SLC39A11: variants seen among roughly 807,000 people sequenced by gnomAD.
SLC39A11 encodes the protein zinc transporter ZIP11.
In SLC39A11, 33 loss-of-function variants were observed where a neutral mutation model predicts 36.1. That is an observed-to-expected ratio of 0.91 (90% confidence interval 0.69 to 1.22). The LOEUF is 1.22. SLC39A11 is among the 50% of genes most tolerant of loss of function. SLC39A11 has a pLI of 0.00. For missense variants in SLC39A11, 432 were observed against 430.3 expected (o/e 1.00, Z -0.03); for synonymous variants, 166 against 170.3 (o/e 0.97, Z 0.20).
rs562338880 is a variant in SLC39A11, at chr17:72,873,010, C to T, written c.431-23206G>A. Among the ~76,000 whole-genome samples the T allele has an allele frequency of 5.4e-4, 80 of 148,238 alleles. No individual in the cohort carries two copies. In the South Asian group the frequency reaches 0.012, roughly 23 times the overall value. ...CGGAGCTTGCAGTGAGCCGAGATCG[C>T]GCCACTGCACTCTAGCCTGGGCGAC... On this transcript the variant is annotated intron_variant, in intron 5 of 9. Coordinates refer to ENST00000255559, the MANE Select transcript of SLC39A11 (RefSeq NM_139177.4).
chr17:72,701,742 A>AAG (rs1228589369), intron 7 of SLC39A11, among the ~76,000 whole-genome samples: 128 of 150,710 alleles, frequency 8.5e-4, no homozygotes, highest in Non-Finnish European at 1.6e-3. Flanking sequence ...AAAAAAAAAA[A>AAG]AAAAGAAAAA....
chr17:72,748,608 A>C (rs928184702), intron 6 of SLC39A11, among the ~76,000 whole-genome samples: 1 of 152,206 alleles, frequency 6.6e-6, no homozygotes, highest in African/African-American at 2.4e-5. Context: ...GTATGACTGA[A>C]GACAGCCACA....
intron 7 of SLC39A11, among the ~76,000 whole-genome samples, chr17:72,679,471 C>A (rs1263169892): frequency 6.6e-6 from 1 of 152,178 alleles, no homozygotes; most frequent in Non-Finnish European, 1.5e-5. Flanking sequence ...TGCGCAGACA[C>A]AGAGAAAGGC....
chr17:72,893,488 G>A (rs887763265), intron 5 of SLC39A11, among the ~76,000 whole-genome samples: 3 of 152,060 alleles, frequency 2.0e-5, no homozygotes, highest in Admixed American at 1.3e-4. Context: ...TATAGATACG[G>A]ACCACAGAAG....
intron 3 of SLC39A11, among the ~76,000 whole-genome samples, chr17:73,033,871 C>T (rs2058819356): frequency 6.6e-6 from 1 of 152,178 alleles, no homozygotes; most frequent in African/African-American, 2.4e-5. Flanking sequence ...CATAAATTCC[C>T]TTCTTCCAGC....
intron 4 of SLC39A11, among the ~76,000 whole-genome samples, chr17:72,963,484 T>C (rs758865221): frequency 5.3e-5 from 8 of 151,882 alleles, no homozygotes; most frequent in Admixed American, 1.3e-4. Context: ...TGGGGTATAA[T>C]TCTTAAGGGC....
chr17:72,805,157 G>A (rs576219953), intron 6 of SLC39A11, among the ~76,000 whole-genome samples: 4 of 152,200 alleles, frequency 2.6e-5, no homozygotes, highest in South Asian at 2.1e-4. Context: ...AAATATTTTG[G>A]TACTATTTAA....
chr17:72,657,332 G>A lies in SLC39A11; in HGVS notation c.672-8064C>T, dbSNP rs572517544. Among the ~76,000 whole-genome samples, 19 of 152,192 alleles carry A rather than the reference G, an allele frequency of 1.2e-4. 1 individual carries two copies. In the South Asian group the frequency reaches 3.9e-3, roughly 32 times the overall value. On this transcript the variant is annotated intron_variant, in intron 7 of 9. Coordinates refer to ENST00000255559, the MANE Select transcript of SLC39A11 (RefSeq NM_139177.4). The stretch of plus-strand genomic sequence containing the variant: ...CCGAGATAGCGCCACCGCACTCCAG[G>A]CTGGGCAACAGAGTGAGATTCTGCC...
intron 3 of SLC39A11, among the ~76,000 whole-genome samples, chr17:73,061,260 T>C (rs984055124): frequency 8.5e-5 from 13 of 152,208 alleles, no homozygotes; most frequent in South Asian, 8.3e-4. Context: ...CTCAGGAGAC[T>C]GAGGCCAGAG....
At position 72,739,465 on chromosome 17, in the gene SLC39A11, A is replaced by G. The variant is rs576133793; in HGVS notation, c.602-2746T>C. Among the ~76,000 whole-genome samples the G allele has an allele frequency of 4.0e-4, 61 of 152,326 alleles. No individual in the cohort carries two copies. The South Asian group carries it at 0.013, about 32-fold the overall frequency. Reference sequence around the variant, plus strand: ...CTGATTCCCTACCAAGTATCTTTCCAGTTATAAGAATTTTTATAACAACCA... The same window carrying G: ...CTGATTCCCTACCAAGTATCTTTCCGGTTATAAGAATTTTTATAACAACCA... On this transcript the variant is annotated intron_variant, in intron 6 of 9. Transcript: ENST00000255559.
At chr17:72,842,845 C>T (rs375342025) in intron 6 of SLC39A11, among the ~76,000 whole-genome samples, 3 of 152,196 alleles carry the variant, frequency 2.0e-5, no homozygotes, top group Non-Finnish European at 4.4e-5. Context: ...CTTTTTACTG[C>T]GCCTGCCTGC....
intron 5 of SLC39A11, among the ~76,000 whole-genome samples, chr17:72,936,543 G>A (rs1352746206): frequency 1.3e-5 from 2 of 151,958 alleles, no homozygotes; most frequent in Non-Finnish European, 2.9e-5. Context: ...TTTATCCAAG[G>A]TGGTGGAAAT....
At chr17:73,040,558 A>G (rs887107754) in intron 3 of SLC39A11, among the ~76,000 whole-genome samples, 6 of 152,356 alleles carry the variant, frequency 3.9e-5, no homozygotes, top group East Asian at 3.9e-4. Flanking sequence ...CAAATGTGTC[A>G]TGATTATTTA....
intron 3 of SLC39A11, among the ~76,000 whole-genome samples, chr17:73,082,390 A>G (rs1466542436): frequency 6.6e-6 from 1 of 152,114 alleles, no homozygotes; most frequent in Non-Finnish European, 1.5e-5. Context: ...TGTTTTTTCA[A>G]TTCATTCATC....
chr17:73,075,831 T>A (rs1053298620), intron 3 of SLC39A11, among the ~76,000 whole-genome samples: 3 of 151,842 alleles, frequency 2.0e-5, no homozygotes, highest in African/African-American at 7.3e-5. Context: ...CTAGCCTGGG[T>A]GACAGAGTGA....
At chr17:72,879,919 C>T (rs2081108963) in intron 5 of SLC39A11, among the ~76,000 whole-genome samples, 1 of 152,212 alleles carries the variant, frequency 6.6e-6, no homozygotes, top group Non-Finnish European at 1.5e-5. Context: ...CATGACTTCA[C>T]CCTACACTTT....
chr17:72,900,973 CA>C (rs747324225), intron 5 of SLC39A11, among the ~76,000 whole-genome samples: 71,893 of 149,772 alleles, frequency 0.48, 17,527 homozygotes, highest in East Asian at 0.71. Context: ...AACAAACAAA[CA>C]AACAACAAAA....
chr17:72,796,239 G>T (rs71377876), intron 6 of SLC39A11, among the ~76,000 whole-genome samples: 2,062 of 152,178 alleles, frequency 0.014, 39 homozygotes, highest in African/African-American at 0.031. Context: ...CAGAAGAGCC[G>T]GGAAGTCACA....
At chr17:73,083,262 G>A (rs2060608147) in intron 3 of SLC39A11, among the ~76,000 whole-genome samples, 1 of 152,152 alleles carries the variant, frequency 6.6e-6, no homozygotes, top group Non-Finnish European at 1.5e-5. Context: ...TTATAGGGAA[G>A]AGAACGTATG....
Sources: allele counts gnomAD v4.1 joint callset (sites outside exome capture counted in the v4.1 genomes callset), GRCh38; gene constraint gnomAD v4.1.1; transcripts MANE v1.5; gene names NCBI Gene and HGNC (gene_info 2026-07-23, HGNC 2026-07-21).